Variants in SIGLEC14 observed in about 807,000 individuals in gnomAD.
SIGLEC14 encodes sialic acid-binding Ig-like lectin 14.
In SIGLEC14, 11 loss-of-function variants were observed where a neutral mutation model predicts 34.2. That is an observed-to-expected ratio of 0.32 (90% CI 0.20 to 0.53). SIGLEC14 has a LOEUF of 0.53. SIGLEC14 is among the 20% of genes least tolerant of loss of function. The pLI is 0.95. For synonymous variants in SIGLEC14, 99 were observed against 179.7 expected (o/e 0.55, Z 3.59); for missense variants, 264 against 439.0 (o/e 0.60, Z 3.56).
rs138197262 is a variant in SIGLEC14 at position 51,640,295 on chromosome 19, A to G, written c.*3060T>C. Among the ~76,000 whole-genome samples the G allele has an allele frequency of 2.9e-5, 4 of 139,256 alleles. 1 individual carries two copies. The highest frequency in any genetic ancestry group is 8.2e-5 in the African/African-American group (3 of 36,754). The allele number at this position is 139,256 out of a possible 152,430, so 91.4% of individuals were successfully genotyped here. The stretch of plus-strand genomic sequence containing the variant: ...CTGGAACGGGAGTCAATATTTGGGG[A>G]AAGGCACCAACAAGGAATAAATAGC... On this transcript the variant is annotated 3_prime_UTR_variant, in exon 7 of 7. Transcript: ENST00000360844.
At position 51,643,968 on chromosome 19, in the gene SIGLEC14, T is replaced by C. The variant is rs745965274; in HGVS notation, c.823A>G (p.Thr275Ala). Residue 275 changes from threonine (T) to alanine (A), a missense_variant, in exon 5 of 7, where the codon ACA becomes GCA. Thr to Ala is a moderately conservative substitution (Grantham distance 58). Coordinates refer to ENST00000360844, the MANE Select transcript of SIGLEC14 (RefSeq NM_001098612.3). ...GAGGCAGGGGGGTTGCTGTCAACTG[T>C]GCAGGCGAGGAACAGGGACTGGCCC... ...QEGQSLFLAC[T>A]VDSNPPASLS... 29 of 1,533,050 alleles carry C rather than the reference T, an allele frequency of 1.9e-5. 5 individuals carry two copies. Among genetic ancestry groups the C allele is most frequent in the Non-Finnish European group, 2.4e-5 (27 of 1,141,274 alleles). The allele number at this position is 1,533,050 out of a possible 1,614,324, so 95.0% of individuals were successfully genotyped here.
rs1463509407 is a variant in SIGLEC14, at chr19:51,641,628, T to G, written c.*1727A>C. The stretch of plus-strand genomic sequence containing the variant: ...AAGCAGCCATAAAAAAGAATGAGAT[T>G]ATGTCCTTTGCAGGGACATGAGTGG... On this transcript the variant is annotated 3_prime_UTR_variant, in exon 7 of 7. Coordinates refer to ENST00000360844, the MANE Select transcript of SIGLEC14 (RefSeq NM_001098612.3). Among the ~76,000 whole-genome samples, 1 of 139,524 alleles carries G rather than the reference T, an allele frequency of 7.2e-6. No homozygotes were observed. The highest frequency in any genetic ancestry group is 2.7e-5 in the African/African-American group (1 of 36,760). The allele number at this position is 139,524 out of a possible 152,430, so 91.5% of individuals were successfully genotyped here.
In SIGLEC14 at chr19:51,645,367, AC is replaced by A. The variant is rs1361564281; in HGVS notation, c.754+109del. 2.1e-5 allele frequency: 22 copies of A among 1,026,232 alleles called. 2 individuals are homozygous for A. The highest frequency in any genetic ancestry group is 6.1e-5 in the Admixed American group (3 of 49,404). The allele number at this position is 1,026,232 out of a possible 1,614,324, so 63.6% of individuals were successfully genotyped here. ...GATTGGGGGGTTGGGAGCAGGAAGGACCCAGACCCAGGGGCTGAGGGGTGAG... is the reference window on the plus strand; with the variant it reads ...GATTGGGGGGTTGGGAGCAGGAAGGACCAGACCCAGGGGCTGAGGGGTGAG... On this transcript the variant is annotated intron_variant, in intron 4 of 6. Coordinates refer to ENST00000360844, the MANE Select transcript of SIGLEC14 (RefSeq NM_001098612.3).
chr19:51,643,479 G>GGGGGGGGGGGGGGCCCCCC, intron 6 of SIGLEC14, 58 bp downstream of exon 6: 2 of 1,296,380 alleles, frequency 1.5e-6, no homozygotes, highest in East Asian at 5.3e-5. Flanking sequence ...CCTGGGGCAG[G>GGGGGGGGGGGGGGCCCCCC]ACAGCTCAGC....
chr19:51,643,606 AG>A lies in SIGLEC14; in HGVS notation c.1078del (p.Leu360Ter). ...QQGSWPLVLT[L>X]IRGALMGAGF... ...AGCCCCCATGAGAGCCCCCCTGATC[AG>A]GGTGAGGACGAGGGGCCAGGAGCCC... is the stretch of plus-strand genomic sequence containing the variant. On this transcript the variant is annotated frameshift_variant, in exon 6 of 7. Transcript: ENST00000360844. LOFTEE classifies it high-confidence loss of function. 2.0e-6 allele frequency: 3 copies of A among 1,530,614 alleles called. 1 individual carries two copies. The highest frequency in any genetic ancestry group is 2.6e-6 in the Non-Finnish European group (3 of 1,140,554). 94.8% of individuals were successfully genotyped at this position (1,530,614 alleles called of 1,614,324 possible).
intron 6 of SIGLEC14, 54 bp downstream of exon 6, chr19:51,643,483 G>GACCCCCC: frequency 7.7e-7 from 1 of 1,297,888 alleles, no homozygotes; most frequent in Non-Finnish European, 1.0e-6. Context: ...GGGCAGGACA[G>GACCCCCC]CTCAGCCCCA....
In SIGLEC14 at chr19:51,641,363, C is replaced by A. The variant is rs1983901909; in HGVS notation, c.*1992G>T. Among the ~76,000 whole-genome samples, 1 of 139,526 alleles carries A rather than the reference C, an allele frequency of 7.2e-6. No homozygotes were observed. The highest frequency in any genetic ancestry group is 2.7e-5 in the African/African-American group (1 of 36,784). The allele number at this position is 139,526 out of a possible 152,430, so 91.5% of individuals were successfully genotyped here. A position where few individuals can be genotyped will look rare whatever the true frequency, so the allele number is the denominator to read the frequency against. ...TGGTGAAAGTGAAAGTTAGTTCAGC[C>A]ATTGTGGAAGACAGTGTGGCGATTC... On this transcript the variant is annotated 3_prime_UTR_variant, in exon 7 of 7. Coordinates refer to ENST00000360844, the MANE Select transcript of SIGLEC14 (RefSeq NM_001098612.3).
Position 51,639,870 on chromosome 19 carries a change from G to C in SIGLEC14, c.*3485C>G, listed in dbSNP as rs1983872330. 7.2e-6 allele frequency: 1 copy of C among 138,582 alleles called. No individual in the cohort carries two copies. Among genetic ancestry groups the C allele is most frequent in the South Asian group, 2.4e-4 (1 of 4,110 alleles). The allele number at this position is 138,582 out of a possible 1,614,324, so 8.6% of individuals were successfully genotyped here. Reference sequence around the variant, plus strand: ...CACTCTCTTTGCTACATGCACTTAGGGAAATTAAAAGAAAAACACCTGAAG... The same window carrying C: ...CACTCTCTTTGCTACATGCACTTAGCGAAATTAAAAGAAAAACACCTGAAG... On this transcript the variant is annotated 3_prime_UTR_variant, in exon 7 of 7. Transcript: ENST00000360844.
Position 51,643,833 on chromosome 19 carries a change from G to C in SIGLEC14, c.958C>G (p.Arg320Gly), listed in dbSNP as rs778985427. The change falls in exon 5 of 7, where the codon CGG (arginine) becomes GGG (glycine). Residue 320 changes from arginine (R) to glycine (G), a missense_variant. Transcript: ENST00000360844. ...TGGGAGCCCAGCGGATGCTGAACCC[G>C]GCAGGTGAATTCCCCTCCCTCTCTA... is the stretch of plus-strand genomic sequence containing the variant. ...GAREGGEFTC[R>G]VQHPLGSQHL... 2.6e-6 allele frequency: 4 copies of C among 1,530,776 alleles called. No homozygotes were observed. Among genetic ancestry groups the C allele is most frequent in the Non-Finnish European group, 2.6e-6 (3 of 1,139,468 alleles). The allele number at this position is 1,530,776 out of a possible 1,614,324, so 94.8% of individuals were successfully genotyped here.
chr19:51,645,370 C>A, intron 4 of SIGLEC14, 107 bp downstream of exon 4: 2 of 1,090,922 alleles, frequency 1.8e-6, no homozygotes, highest in Non-Finnish European at 2.6e-6. Context: ...AGGAAGGACC[C>A]AGACCCAGGG....
chr19:51,645,352 T>C, intron 4 of SIGLEC14, 125 bp downstream of exon 4: 1 of 798,894 alleles, frequency 1.3e-6, no homozygotes, highest in South Asian at 1.7e-5. Context: ...GATTGGGGGG[T>C]TGGGAGCAGG....
Position 51,639,696 on chromosome 19 carries a change from A to G in SIGLEC14, c.*3659T>C, listed in dbSNP as rs1020002190. On this transcript the variant is annotated 3_prime_UTR_variant, in exon 7 of 7. Coordinates refer to ENST00000360844, the MANE Select transcript of SIGLEC14 (RefSeq NM_001098612.3). ...ATGAAGGATGGCACCATTATGGGTT[A>G]ATCACTTTCCAAAAAGCCCCAACCT... The G allele has an allele frequency of 1.4e-5, 2 of 139,346 alleles. 1 individual carries two copies. The highest frequency in any genetic ancestry group is 6.6e-4 in the East Asian group (2 of 3,046). 8.6% of individuals were successfully genotyped at this position (139,346 alleles called of 1,614,324 possible).
At position 51,645,894 on chromosome 19, in the gene SIGLEC14, C is replaced by T. The variant is rs774493292; in HGVS notation, c.588G>A (p.Ser196=). Residue 196 remains serine, a synonymous_variant, in exon 3 of 7, where the codon TCG becomes TCA. Transcript: ENST00000360844. ...SPLDPETTRS[S]ELTLTPRPED... ...CGGGCCTGGGGGTGAGGGTGAGCTCCGAGGAGCGGGTGGTCTCGGGGTCCA... is the reference window on the plus strand; with the variant it reads ...CGGGCCTGGGGGTGAGGGTGAGCTCTGAGGAGCGGGTGGTCTCGGGGTCCA... 93 of 1,517,598 alleles carry T rather than the reference C, an allele frequency of 6.1e-5. 14 individuals carry two copies. Among genetic ancestry groups the T allele is most frequent in the Non-Finnish European group, 7.7e-5 (87 of 1,135,366 alleles). The allele number at this position is 1,517,598 out of a possible 1,614,324, so 94.0% of individuals were successfully genotyped here. A position where few individuals can be genotyped will look rare whatever the true frequency, so the allele number is the denominator to read the frequency against.
rs1476493972 is a variant in SIGLEC14, at chr19:51,644,675, G to A, written c.755-639C>T. On this transcript the variant is annotated intron_variant, in intron 4 of 6. Coordinates refer to ENST00000360844, the MANE Select transcript of SIGLEC14 (RefSeq NM_001098612.3). The stretch of plus-strand genomic sequence containing the variant: ...GTGAAGTAAAGGTGTTAAGACTTGC[G>A]GACTCATGAAACAGCTGATGAGAAA... Among the ~76,000 whole-genome samples, 5 of 137,412 alleles carry A rather than the reference G, an allele frequency of 3.6e-5. 1 individual carries two copies. Among genetic ancestry groups the A allele is most frequent in the East Asian group, 3.4e-4 (1 of 2,942 alleles). 90.1% of individuals were successfully genotyped at this position (137,412 alleles called of 152,430 possible).
Position 51,645,414 on chromosome 19 carries a change from G to A in SIGLEC14, c.754+63C>T. ...GTGAGGGAGGGTCTCCTCTCCCAAT[G>A]CTGAACCCTGAGCTAATAGAAGGCT... is the stretch of plus-strand genomic sequence containing the variant. On this transcript the variant is annotated intron_variant, in intron 4 of 6. Transcript: ENST00000360844. The A allele has an allele frequency of 2.3e-5, 32 of 1,415,430 alleles. 3 individuals are homozygous for A. Among genetic ancestry groups the A allele is most frequent in the Non-Finnish European group, 3.1e-5 (32 of 1,040,512 alleles). The allele number at this position is 1,415,430 out of a possible 1,614,324, so 87.7% of individuals were successfully genotyped here. A position where few individuals can be genotyped will look rare whatever the true frequency, so the allele number is the denominator to read the frequency against.
At chr19:51,643,481 CAGCT>C in intron 6 of SIGLEC14, 52 bp downstream of exon 6, 2 of 1,363,734 alleles carry the variant, frequency 1.5e-6, no homozygotes, top group Non-Finnish European at 9.5e-7. Context: ...TGGGGCAGGA[CAGCT>C]CAGCCCCACC....
In SIGLEC14 at chr19:51,643,176, G is replaced by T; in HGVS notation, c.*179C>A. On this transcript the variant is annotated 3_prime_UTR_variant, in exon 7 of 7. Transcript: ENST00000360844. Reference sequence around the variant, plus strand: ...GGGATGGGGTGCAGATGGGGATGCAGGTGTGGTGGGGCAAGACTCACAAGC... The same window carrying T: ...GGGATGGGGTGCAGATGGGGATGCATGTGTGGTGGGGCAAGACTCACAAGC... 1.7e-6 allele frequency: 1 copy of T among 592,742 alleles called. No homozygotes were observed. The highest frequency in any genetic ancestry group is 2.9e-6 in the Non-Finnish European group (1 of 344,980). The allele number at this position is 592,742 out of a possible 1,614,324, so 36.7% of individuals were successfully genotyped here.
Position 51,645,912 on chromosome 19 carries a change from G to A in SIGLEC14, c.570C>T (p.Pro190=), listed in dbSNP as rs4802834. Reference sequence around the variant, plus strand: ...TGAGCTCCGAGGAGCGGGTGGTCTCGGGGTCCAGGGGGCTGAGGGCATTCC... The same window carrying A: ...TGAGCTCCGAGGAGCGGGTGGTCTCAGGGTCCAGGGGGCTGAGGGCATTCC... ...WTGNALSPLD[P]ETTRSSELTL... is the part of the protein sequence containing the mutation. Residue 190 remains proline (P), a synonymous_variant, in exon 3 of 7, where the codon CCC becomes CCT. Transcript: ENST00000360844. 0.37 allele frequency: 547,503 copies of A among 1,486,468 alleles called. 149,419 individuals carry two copies. Among genetic ancestry groups the A allele is most frequent in the South Asian group, 0.44 (35,070 of 79,540 alleles). The allele number at this position is 1,486,468 out of a possible 1,614,324, so 92.1% of individuals were successfully genotyped here. A position where few individuals can be genotyped will look rare whatever the true frequency, so the allele number is the denominator to read the frequency against.
chr19:51,645,465 G>C lies in SIGLEC14; in HGVS notation c.754+12C>G. ...CCCATCACAGCCCCAGAGGGAAGAGGGTCTTTCCTACCTGTGCCTGTGCCA... is the reference window on the plus strand; with the variant it reads ...CCCATCACAGCCCCAGAGGGAAGAGCGTCTTTCCTACCTGTGCCTGTGCCA... On this transcript the variant is annotated intron_variant, in intron 4 of 6. Transcript: ENST00000360844. 6.6e-7 allele frequency: 1 copy of C among 1,525,784 alleles called. No individual in the cohort carries two copies. The highest frequency in any genetic ancestry group is 8.8e-7 in the Non-Finnish European group (1 of 1,135,722). The allele number at this position is 1,525,784 out of a possible 1,614,324, so 94.5% of individuals were successfully genotyped here. A position where few individuals can be genotyped will look rare whatever the true frequency, so the allele number is the denominator to read the frequency against.
Sources: allele counts gnomAD v4.1 joint callset (sites outside exome capture counted in the v4.1 genomes callset), GRCh38; gene constraint gnomAD v4.1.1; transcripts MANE v1.5; gene names NCBI Gene and HGNC (gene_info 2026-07-23, HGNC 2026-07-21).